Variants in DYNC2H1 observed in about 807,000 individuals in gnomAD.
DYNC2H1 encodes the protein cytoplasmic dynein 2 heavy chain 1.
A neutral mutation model predicts 570.0 loss-of-function variants in DYNC2H1; 410 were observed. The observed-to-expected ratio is 0.72, with a 90% CI of 0.66 to 0.78. DYNC2H1 has a LOEUF of 0.78. Among genes scored for constraint, DYNC2H1 ranks in the 30% least tolerant of loss-of-function variants. The probability of loss-of-function intolerance (pLI) is 0.00; values close to 1 mark genes in which losing one functional copy is unlikely to be tolerated. For missense variants in DYNC2H1, 4,865 were observed against 5,046.4 expected (o/e 0.96, Z 1.09); for synonymous variants, 1,688 against 1,677.6 (o/e 1.01, Z -0.15).
chr11:103,175,022 T>C (rs1861744052), intron 36 of DYNC2H1, among the ~76,000 whole-genome samples: 2 of 152,198 alleles, frequency 1.3e-5, no homozygotes, highest in South Asian at 4.1e-4. Flanking sequence ...GCCTCATTTA[T>C]GTATTCATTA....
Position 103,186,141 on chromosome 11 carries a change from G to C in DYNC2H1, c.6634-101G>C. ...GTTTAGTTTATGTAAAGTTTTCTTG[G>C]AACTAAGATGATTTACTTTTGGGAT... is the stretch of plus-strand genomic sequence containing the variant. On this transcript the variant is annotated intron_variant, in intron 41 of 88. Coordinates refer to ENST00000375735, the MANE Select transcript of DYNC2H1 (RefSeq NM_001377.3). This position sits in a 1 kb window ranked among gnomAD's most constrained non-coding sequence, Gnocchi z 4.5. 1 of 1,177,990 alleles carries C rather than the reference G, an allele frequency of 8.5e-7. No homozygotes were observed. The allele number at this position is 1,177,990 out of a possible 1,614,324, so 73.0% of individuals were successfully genotyped here.
chr11:103,255,394 T>G (rs747111121), intron 66 of DYNC2H1, 21 bp from the exon 67 acceptor site: 3 of 1,544,008 alleles, frequency 1.9e-6, no homozygotes, highest in Non-Finnish European at 2.6e-6. Context: ...TAGAATTACC[T>G]TGTCTTTTTG....
intron 40 of DYNC2H1, among the ~76,000 whole-genome samples, chr11:103,183,814 C>T (rs1861951038): frequency 6.6e-6 from 1 of 151,744 alleles, no homozygotes; most frequent in Admixed American, 6.6e-5. Flanking sequence ...CCTATTTCTT[C>T]TTTCTCACAA....
At chr11:103,424,620 G>C (rs1943603013) in intron 84 of DYNC2H1, among the ~76,000 whole-genome samples, 1 of 145,728 alleles carries the variant, frequency 6.9e-6, no homozygotes. Context: ...GTGCTACTCA[G>C]AAATTCAAAC....
At position 103,154,542 on chromosome 11, in the gene DYNC2H1, G is replaced by T; in HGVS notation, c.3394G>T (p.Ala1132Ser). The T allele has an allele frequency of 6.3e-7, 1 of 1,594,100 alleles. No homozygotes were observed. Among genetic ancestry groups the T allele is most frequent in the South Asian group, 1.1e-5 (1 of 86,960 alleles). ...TATCGAGAGCTGTGCCCAAATTTGG[G>T]CCTTTTATGAAGAGTTTCAACAAGG... ...KDIESCAQIW[A>S]FYEEFQQGFQ... The change falls in exon 23 of 89, where the codon GCC becomes TCC. Residue 1132 changes from alanine (A) to serine (S), a missense_variant. Ala to Ser is a moderately conservative substitution (Grantham distance 99). Coordinates refer to ENST00000375735, the MANE Select transcript of DYNC2H1 (RefSeq NM_001377.3).
rs755651498 is a variant in DYNC2H1, at chr11:103,188,632, C to T, written c.7276C>T (p.Arg2426Cys). The T allele has an allele frequency of 4.4e-6, 7 of 1,606,088 alleles. No homozygotes were observed. Among genetic ancestry groups the T allele is most frequent in the South Asian group, 2.2e-5 (2 of 89,816 alleles). ...TACTACCAGATTTACTTCCATCGTT[C>T]GTCTTTGTTCTATAGAGTATGTATC... is the stretch of plus-strand genomic sequence containing the variant. ...KLTTRFTSIVRLCSIDYPERE... is the reference protein window; with the variant it reads ...KLTTRFTSIVCLCSIDYPERE... The change falls in exon 44 of 89, where the codon CGT becomes TGT. Residue 2426 changes from arginine (R) to cysteine (C), a missense_variant. Arg to Cys is a radical substitution (Grantham distance 180). Coordinates refer to ENST00000375735, the MANE Select transcript of DYNC2H1 (RefSeq NM_001377.3).
At position 103,203,697 on chromosome 11, in the gene DYNC2H1, A is replaced by G. The variant is rs529108026; in HGVS notation, c.8232A>G (p.Leu2744=). 1.9e-6 allele frequency: 3 copies of G among 1,612,160 alleles called. No homozygotes were observed. The highest frequency in any genetic ancestry group is 4.5e-5 in the East Asian group (2 of 44,734). ...EVPGLYTLEE[L]EPLLLPLKDQ... ...CTGGACTCTATACTCTTGAAGAATT[A>G]GAGCCCTTGCTGTTACCACTTAAGG... is the stretch of plus-strand genomic sequence containing the variant. The change falls in exon 51 of 89, where the codon TTA becomes TTG. Residue 2744 remains leucine (L), a synonymous_variant. Coordinates refer to ENST00000375735, the MANE Select transcript of DYNC2H1 (RefSeq NM_001377.3). The surrounding 1 kb of genome is among the most constrained non-coding windows in gnomAD (Gnocchi z 4.7).
At position 103,254,867 on chromosome 11, in the gene DYNC2H1, G is replaced by A. The variant is rs909590099; in HGVS notation, c.10207-548G>A. 5.3e-5 allele frequency among the ~76,000 whole-genome samples: 8 copies of A among 152,038 alleles called. No individual in the cohort carries two copies. Among genetic ancestry groups the A allele is most frequent in the African/African-American group, 1.7e-4 (7 of 41,400 alleles). On this transcript the variant is annotated intron_variant, in intron 66 of 88. Transcript: ENST00000375735. This position sits in a 1 kb window ranked among gnomAD's most constrained non-coding sequence, Gnocchi z 4.9. ...GCTCACTGTAACTTCTGCCTCCTAG[G>A]TTTAAGCTATTCTCCTGCCTCAGCC...
chr11:103,124,401 G>A (rs1056888222), intron 11 of DYNC2H1, among the ~76,000 whole-genome samples: 2 of 141,190 alleles, frequency 1.4e-5, no homozygotes, highest in Admixed American at 1.5e-4. Context: ...AGCCATGATC[G>A]CTGTACTGCA....
At chr11:103,110,405 A>T (rs1444137649) in intron 1 of DYNC2H1, among the ~76,000 whole-genome samples, 2 of 151,112 alleles carry the variant, frequency 1.3e-5, no homozygotes, top group African/African-American at 4.9e-5. Context: ...CCCCTTTTTG[A>T]GTTTTTTTTT....
At chr11:103,356,476 A>T (rs1940346103) in intron 82 of DYNC2H1, among the ~76,000 whole-genome samples, 2 of 151,914 alleles carry the variant, frequency 1.3e-5, no homozygotes, top group Admixed American at 1.3e-4. Context: ...TGCACAAAAA[A>T]ATTTGCACTC....
chr11:103,117,346 G>A (rs1858462429), intron 5 of DYNC2H1, among the ~76,000 whole-genome samples: 1 of 149,816 alleles, frequency 6.7e-6, no homozygotes, highest in African/African-American at 2.4e-5. Flanking sequence ...TGTTACATAT[G>A]TATACATGTG....
intron 82 of DYNC2H1, among the ~76,000 whole-genome samples, chr11:103,355,091 T>A (rs1028560372): frequency 1.3e-5 from 2 of 152,148 alleles, no homozygotes; most frequent in Admixed American, 1.3e-4. Context: ...ATTTTTTCTC[T>A]TTTGGCTTTA....
rs397810120 is a variant in DYNC2H1 at position 103,237,557 on chromosome 11, AT to A, written c.9819+1026del. Among the ~76,000 whole-genome samples, 5 of 151,874 alleles carry A rather than the reference AT, an allele frequency of 3.3e-5. No homozygotes were observed. The South Asian group carries it at 6.2e-4, about 19-fold the overall frequency. On this transcript the variant is annotated intron_variant, in intron 63 of 88. Transcript: ENST00000375735. ...GCCTGTTTTTAAATTTACTTTTAAA[AT>A]TTTTTTTATTATTTTCACAATGGAA...
At chr11:103,317,744 T>G (rs2135430410) in intron 80 of DYNC2H1, among the ~76,000 whole-genome samples, 1 of 152,282 alleles carries the variant, frequency 6.6e-6, no homozygotes. Context: ...CTTCTCAGCT[T>G]GGATGTATCC....
At position 103,399,861 on chromosome 11, in the gene DYNC2H1, T is replaced by G; in HGVS notation, c.12355T>G (p.Leu4119Val). 4 of 1,613,552 alleles carry G rather than the reference T, an allele frequency of 2.5e-6. No individual in the cohort carries two copies. Among genetic ancestry groups the G allele is most frequent in the Non-Finnish European group, 3.4e-6 (4 of 1,179,684 alleles). Residue 4119 changes from leucine (L) to valine (V), a missense_variant, in exon 84 of 89, where the codon TTA (leucine) becomes GTA (valine). This residue lies in a region of DYNC2H1 where 2,401 missense variants were observed against 2,454.6 expected (regional missense o/e 0.98). Transcript: ENST00000375735. Reference sequence around the variant, plus strand: ...AGTACAAAAATTGGCAAGTGCTTTATTAAACCAAAAGGTAAGCGAGTACTA... The same window carrying G: ...AGTACAAAAATTGGCAAGTGCTTTAGTAAACCAAAAGGTAAGCGAGTACTA... ...SEVQKLASAL[L>V]NQKCPLAWQS... is the part of the protein sequence containing the mutation.
At position 103,203,770 on chromosome 11, in the gene DYNC2H1, A is replaced by C; in HGVS notation, c.8305A>C (p.Thr2769Pro). ...GFFGPVFNYF[T>P]YRIQQNLHIV... ...TTTTGGACCAGTCTTCAATTACTTC[A>C]CATATAGTAAGTGACATAGAATTCA... Residue 2769 changes from threonine to proline, a missense_variant, in exon 51 of 89, where the codon ACA becomes CCA. Around this residue, in one of 5 missense-constraint regions of DYNC2H1, gnomAD observed 2,401 missense variants for 2,454.6 expected, o/e 0.98. Transcript: ENST00000375735. The surrounding 1 kb of genome is among the most constrained non-coding windows in gnomAD (Gnocchi z 4.7). 1.3e-6 allele frequency: 2 copies of C among 1,593,912 alleles called. No homozygotes were observed. Among genetic ancestry groups the C allele is most frequent in the Non-Finnish European group, 1.7e-6 (2 of 1,166,946 alleles).
Position 103,181,711 on chromosome 11 carries a change from G to A in DYNC2H1, c.6348-46G>A, listed in dbSNP as rs1443587526. On this transcript the variant is annotated intron_variant, in intron 39 of 88. Transcript: ENST00000375735. This position sits in a 1 kb window ranked among gnomAD's most constrained non-coding sequence, Gnocchi z 5.0. ...GAAGAAATTTATTTTAATGTAAATT[G>A]ATAATTTCTTCCTAAGTAATTTTTT... The A allele has an allele frequency of 1.4e-6, 2 of 1,475,528 alleles. No individual in the cohort carries two copies. The highest frequency in any genetic ancestry group is 2.9e-5 in the African/African-American group (2 of 69,636). The allele number at this position is 1,475,528 out of a possible 1,614,324, so 91.4% of individuals were successfully genotyped here. A position where few individuals can be genotyped will look rare whatever the true frequency, so the allele number is the denominator to read the frequency against.
In DYNC2H1 at chr11:103,252,453, C is replaced by G. The variant is rs1471445001; in HGVS notation, c.10043-832C>G. Among the ~76,000 whole-genome samples, 2 of 152,214 alleles carry G rather than the reference C, an allele frequency of 1.3e-5. No homozygotes were observed. The highest frequency in any genetic ancestry group is 2.9e-5 in the Non-Finnish European group (2 of 68,004). On this transcript the variant is annotated intron_variant, in intron 65 of 88. Coordinates refer to ENST00000375735, the MANE Select transcript of DYNC2H1 (RefSeq NM_001377.3). This position sits in a 1 kb window ranked among gnomAD's most constrained non-coding sequence, Gnocchi z 4.6. ...CCTACCATTTTTCATAATGGCTGCC[C>G]TGGTCTTCATTCCCACCAACAATTC...
Sources: allele counts gnomAD v4.1 joint callset (sites outside exome capture counted in the v4.1 genomes callset), GRCh38; gene constraint gnomAD v4.1.1; regional missense constraint gnomAD v4.1.1; non-coding constraint Gnocchi (gnomAD v3.1); transcripts MANE v1.5; gene names NCBI Gene and HGNC (gene_info 2026-07-23, HGNC 2026-07-21).